Variants in LMBR1 observed in about 807,000 individuals in gnomAD.
LMBR1 encodes the protein limb region 1 protein homolog.
A neutral mutation model predicts 73.9 loss-of-function variants in LMBR1; 52 were observed. The ratio of observed to expected loss-of-function variants is 0.70; its 90% CI spans 0.56 to 0.89. The LOEUF (loss-of-function observed/expected upper bound fraction) is 0.89. Among genes scored for constraint, LMBR1 ranks in the 40% least tolerant of loss-of-function variants. The probability of loss-of-function intolerance (pLI) is 0.00; values close to 1 mark genes in which losing one functional copy is unlikely to be tolerated. For missense variants in LMBR1, 539 were observed against 579.8 expected, an observed-to-expected ratio of 0.93 and a Z score of 0.72; for synonymous variants, 215 against 209.4, an observed-to-expected ratio of 1.03 and a Z score of -0.23.
At chr7:156,828,800 G>A (rs935596629) in intron 3 of LMBR1, among the ~76,000 whole-genome samples, 1 of 152,272 alleles carries the variant, frequency 6.6e-6, no homozygotes, top group East Asian at 1.9e-4. Context: ...AGTGATGTGG[G>A]ATATGATGAG....
At chr7:156,710,714 A>C (rs1196985798) in intron 15 of LMBR1, among the ~76,000 whole-genome samples, 1 of 152,220 alleles carries the variant, frequency 6.6e-6, no homozygotes, top group Non-Finnish European at 1.5e-5. Context: ...ACAAACACGT[A>C]GTCATCAGGT....
Position 156,855,403 on chromosome 7 carries a change from A to T in LMBR1, c.67-18518T>A, listed in dbSNP as rs190504760. ...TCTCCCCATCTCTTAACACCATAGCAATTAGTCAATTAGAAGATATGTCAA... is the reference window on the plus strand; with the variant it reads ...TCTCCCCATCTCTTAACACCATAGCTATTAGTCAATTAGAAGATATGTCAA... On this transcript the variant is annotated intron_variant, in intron 1 of 16. Coordinates refer to ENST00000353442, the MANE Select transcript of LMBR1 (RefSeq NM_022458.4). 3.3e-5 allele frequency among the ~76,000 whole-genome samples: 5 copies of T among 152,296 alleles called. No homozygotes were observed. In the East Asian group the frequency reaches 7.7e-4, roughly 23 times the overall value.
At chr7:156,709,200 C>T (rs1811584498) in intron 15 of LMBR1, among the ~76,000 whole-genome samples, 3 of 152,230 alleles carry the variant, frequency 2.0e-5, no homozygotes, top group Admixed American at 1.3e-4. Context: ...ACCTCTACTA[C>T]TATGGCAGCT....
intron 4 of LMBR1, among the ~76,000 whole-genome samples, chr7:156,799,934 A>T (rs1170282984): frequency 2.0e-5 from 3 of 152,232 alleles, no homozygotes. Context: ...CCACAGCCTG[A>T]GCAAGGTTGT....
At chr7:156,707,216 G>T (rs1811137498) in intron 15 of LMBR1, among the ~76,000 whole-genome samples, 1 of 152,036 alleles carries the variant, frequency 6.6e-6, no homozygotes, top group African/African-American at 2.4e-5. Flanking sequence ...GCAGGCCAAT[G>T]ATGAGTAGCA....
At chr7:156,765,216 A>G (rs2132960672) in intron 5 of LMBR1, among the ~76,000 whole-genome samples, 1 of 152,338 alleles carries the variant, frequency 6.6e-6, no homozygotes, top group African/African-American at 2.4e-5. Flanking sequence ...CTCATCTCGA[A>G]TTGTAATTCC....
At chr7:156,787,074 G>A (rs541872513) in intron 5 of LMBR1, among the ~76,000 whole-genome samples, 4 of 152,210 alleles carry the variant, frequency 2.6e-5, no homozygotes, top group South Asian at 4.2e-4. Context: ...ACTTTCTTCT[G>A]CCCAGAGCTA....
intron 8 of LMBR1, among the ~76,000 whole-genome samples, chr7:156,758,624 G>A (rs114969726): frequency 0.014 from 2,122 of 152,158 alleles, 41 homozygotes; most frequent in African/African-American, 0.048. Flanking sequence ...CCTCTCTCTC[G>A]CCTGCTCCCT....
chr7:156,795,447 T>A (rs1304985975), intron 5 of LMBR1, among the ~76,000 whole-genome samples: 2 of 152,218 alleles, frequency 1.3e-5, no homozygotes, highest in African/African-American at 4.8e-5. Context: ...TAAAACTGAA[T>A]TCTCAATAAA....
At chr7:156,742,225 T>A (rs573983282) in intron 9 of LMBR1, among the ~76,000 whole-genome samples, 6 of 151,778 alleles carry the variant, frequency 4.0e-5, no homozygotes, top group Non-Finnish European at 7.4e-5. Flanking sequence ...ATGATGCATC[T>A]TAAAGAATTA....
chr7:156,851,708 T>C (rs999888435), intron 1 of LMBR1, among the ~76,000 whole-genome samples: 1 of 152,142 alleles, frequency 6.6e-6, no homozygotes, highest in Admixed American at 6.6e-5. Context: ...TAGTGACTAA[T>C]GTAAAATTAT....
chr7:156,805,435 C>T (rs1378260687), intron 4 of LMBR1, among the ~76,000 whole-genome samples: 1 of 152,034 alleles, frequency 6.6e-6, no homozygotes, highest in African/African-American at 2.4e-5. Context: ...AGGCTTGTCT[C>T]GAACTCCTGA....
At chr7:156,713,473 G>A (rs1269363774) in intron 15 of LMBR1, among the ~76,000 whole-genome samples, 1 of 152,122 alleles carries the variant, frequency 6.6e-6, no homozygotes, top group African/African-American at 2.4e-5. Context: ...AGTGGGGAAG[G>A]CTCTGCATGT....
chr7:156,892,922 A>G lies in LMBR1; in HGVS notation c.66+6T>C. 1 of 1,519,206 alleles carries G rather than the reference A, an allele frequency of 6.6e-7. No individual in the cohort carries two copies. The highest frequency in any genetic ancestry group is 8.8e-7 in the Non-Finnish European group (1 of 1,140,844). The allele number at this position is 1,519,206 out of a possible 1,614,324, so 94.1% of individuals were successfully genotyped here. ...GACTGTCAGGGCTGCCTCGGTCCCC[A>G]CGCACCGTGGACTCCCGCACTTGGC... On this transcript the variant is annotated splice_donor_region_variant and intron_variant, in intron 1 of 16. Coordinates refer to ENST00000353442, the MANE Select transcript of LMBR1 (RefSeq NM_022458.4).
intron 16 of LMBR1, 82 bp from the exon 17 acceptor site, chr7:156,684,245 T>C (rs572670932): frequency 2.2e-5 from 23 of 1,049,396 alleles, no homozygotes; most frequent in Non-Finnish European, 3.0e-5. Flanking sequence ...GAAGAGGAGA[T>C]TTACAAAGCT....
chr7:156,690,497 G>A (rs146615776), intron 15 of LMBR1, among the ~76,000 whole-genome samples: 307 of 152,260 alleles, frequency 2.0e-3, no homozygotes, highest in African/African-American at 7.0e-3. Flanking sequence ...GCATCATCAC[G>A]GTAAGAATGG....
intron 13 of LMBR1, 85 bp from the exon 14 acceptor site, chr7:156,725,610 A>T: frequency 8.1e-7 from 1 of 1,238,142 alleles, no homozygotes; most frequent in Non-Finnish European, 1.1e-6. Flanking sequence ...TAAGGCCCAT[A>T]GGAAAAGCAA....
At chr7:156,890,479 C>A (rs1802706097) in intron 1 of LMBR1, among the ~76,000 whole-genome samples, 1 of 152,102 alleles carries the variant, frequency 6.6e-6, no homozygotes, top group African/African-American at 2.4e-5. Flanking sequence ...ACAAGTTATT[C>A]TGTAAAGACC....
intron 15 of LMBR1, among the ~76,000 whole-genome samples, chr7:156,699,855 C>A (rs1809234681): frequency 6.6e-6 from 1 of 152,154 alleles, no homozygotes; most frequent in African/African-American, 2.4e-5. Context: ...CAATGAGACA[C>A]CATCTCACAC....
Sources: gnomAD v4.1 joint callset for allele counts (sites outside exome capture counted in the v4.1 genomes callset) on GRCh38, gnomAD v4.1.1 for gene constraint, MANE v1.5 for transcripts, NCBI Gene and HGNC (gene_info 2026-07-23, HGNC 2026-07-21) for gene names.